FBXW10B: variants seen among roughly 807,000 people sequenced by gnomAD.
FBXW10B encodes F-box and WD repeat domain containing protein 10B.
chr17:15,598,761 T>A, the FBXW10B span: 1 of 1,526,346 alleles, frequency 6.6e-7, no homozygotes, highest in Non-Finnish European at 8.8e-7. Flanking sequence ...CAGATTCTCA[T>A]GGTTCAGCTT....
chr17:15,580,156 TG>T, the FBXW10B span, among the ~76,000 whole-genome samples: 1 of 151,878 alleles, frequency 6.6e-6, no homozygotes, highest in South Asian at 2.1e-4. Flanking sequence ...CATGCGTGAG[TG>T]AATGAATATA....
At chr17:15,614,753 A>C in the FBXW10B span, among the ~76,000 whole-genome samples, 1 of 152,076 alleles carries the variant, frequency 6.6e-6, no homozygotes, top group Non-Finnish European at 1.5e-5. Flanking sequence ...GAAATTTGAA[A>C]TTTTCCATAT....
the FBXW10B span, among the ~76,000 whole-genome samples, chr17:15,613,109 G>A: frequency 0.012 from 682 of 55,846 alleles, 4 homozygotes; most frequent in African/African-American, 0.16. Context: ...CTCTGCTGGG[G>A]AAAAAAAAAA....
the FBXW10B span, among the ~76,000 whole-genome samples, chr17:15,607,883 G>A: frequency 2.3e-5 from 3 of 131,650 alleles, no homozygotes; most frequent in Non-Finnish European, 5.0e-5. Flanking sequence ...TTGGGTCAAG[G>A]TTCTTAATTC....
chr17:15,605,846 C>A, the FBXW10B span, among the ~76,000 whole-genome samples: 69 of 146,726 alleles, frequency 4.7e-4, 3 homozygotes, highest in South Asian at 9.5e-3. Context: ...ATCCAGTGAC[C>A]ATATATTAGG....
chr17:15,602,190 T>C, the FBXW10B span, among the ~76,000 whole-genome samples: 2 of 151,580 alleles, frequency 1.3e-5, no homozygotes, highest in African/African-American at 4.9e-5. Context: ...AATGCATACC[T>C]AAAAACAAAA....
At chr17:15,596,569 C>T in the FBXW10B span, 3 of 1,612,298 alleles carry the variant, frequency 1.9e-6, no homozygotes, top group Admixed American at 3.3e-5. Context: ...TCGCTCACAG[C>T]TGCTCACAAT....
At chr17:15,616,144 C>T in the FBXW10B span, among the ~76,000 whole-genome samples, 3 of 151,896 alleles carry the variant, frequency 2.0e-5, no homozygotes, top group Admixed American at 6.6e-5. Flanking sequence ...ACCCTCGAGT[C>T]AAAATAGAAC....
chr17:15,570,670 GT>G, the FBXW10B span, among the ~76,000 whole-genome samples: 1 of 152,200 alleles, frequency 6.6e-6, no homozygotes, highest in South Asian at 2.1e-4. Context: ...CAATGTGATT[GT>G]TTATGTGGAA....
chr17:15,606,387 C>T, the FBXW10B span, among the ~76,000 whole-genome samples: 6 of 146,946 alleles, frequency 4.1e-5, no homozygotes, highest in Middle Eastern at 3.4e-3. Context: ...ATTAGCCAGG[C>T]GTGGTGGCAT....
chr17:15,588,162 C>T, the FBXW10B span, among the ~76,000 whole-genome samples: 649 of 152,260 alleles, frequency 4.3e-3, no homozygotes, highest in Admixed American at 8.0e-3. Flanking sequence ...ACTGTGCGAC[C>T]TCCCCTTGAA....
the FBXW10B span, chr17:15,594,902 GATA>G: frequency 1.6e-6 from 2 of 1,221,964 alleles, no homozygotes; most frequent in South Asian, 1.4e-5. Context: ...TGCAAGAAAA[GATA>G]CCACTGTCTT....
At chr17:15,606,333 T>C in the FBXW10B span, among the ~76,000 whole-genome samples, 139,213 of 139,482 alleles carry the variant, frequency 1, 69,501 homozygotes, top group Non-Finnish European at 1. Context: ...TTGAGACCAA[T>C]CTGACCAGAG....
chr17:15,615,746 G>A, the FBXW10B span: 52 of 1,613,644 alleles, frequency 3.2e-5, no homozygotes, highest in Middle Eastern at 1.6e-4. Context: ...TTGTGAGGTC[G>A]CAGACTTGGA....
At chr17:15,577,928 G>A in the FBXW10B span, among the ~76,000 whole-genome samples, 2 of 151,278 alleles carry the variant, frequency 1.3e-5, no homozygotes, top group African/African-American at 4.9e-5. Context: ...AGTGCTGTGA[G>A]AGCTTGGGAA....
the FBXW10B span, among the ~76,000 whole-genome samples, chr17:15,570,627 C>G: frequency 4.6e-5 from 7 of 152,142 alleles, no homozygotes; most frequent in African/African-American, 1.7e-4. Context: ...AAAGAAAAGG[C>G]ACATACACTG....
chr17:15,600,167 G>A, the FBXW10B span, among the ~76,000 whole-genome samples: 4 of 150,534 alleles, frequency 2.7e-5, no homozygotes, highest in Non-Finnish European at 5.9e-5. Context: ...AGTGAGCCGA[G>A]ATGGCGCCAC....
chr17:15,612,343 TAA>T, the FBXW10B span, among the ~76,000 whole-genome samples: 579 of 144,386 alleles, frequency 4.0e-3, 6 homozygotes, highest in East Asian at 0.023. Context: ...CCGCCTCTAC[TAA>T]AAAAAAAAAA....
At chr17:15,572,109 G>A in the FBXW10B span, 88 of 147,494 alleles carry the variant, frequency 6.0e-4, no homozygotes, top group African/African-American at 2.0e-3. Context: ...TTTTAACTCA[G>A]AACTAACTGT....
Sources: gnomAD v4.1 joint callset for allele counts (sites outside exome capture counted in the v4.1 genomes callset) on GRCh38, gnomAD v4.1.1 for gene constraint, MANE v1.5 for transcripts, NCBI Gene and HGNC (gene_info 2026-07-23, HGNC 2026-07-21) for gene names.